The following GALC variants were observed in gnomAD, a reference collection of about 807,000 sequenced individuals.
GALC encodes galactosylceramidase, also known as galactocerebrosidase.
Under a neutral mutation model 91.8 loss-of-function variants are expected in GALC, and 77 were observed. That is an observed-to-expected ratio of 0.84 (90% CI 0.70 to 1.01). GALC has a LOEUF of 1.01. GALC is among the 50% of genes least tolerant of loss of function. The pLI is 0.00. For synonymous variants in GALC, 357 were observed against 306.7 expected (o/e 1.16, Z -1.71); for missense variants, 882 against 855.9 (o/e 1.03, Z -0.38).
At chr14:87,993,196 A>T, upstream of GALC, 1 of 1,562,788 alleles carries the variant, frequency 6.4e-7, no homozygotes, top group Non-Finnish European at 8.7e-7. Context: ...GCGCCCAGGG[A>T]GGCGGGTCCC....
chr14:87,936,252 C>T (rs79645689), intron 16 of GALC, among the ~76,000 whole-genome samples: 16,704 of 152,036 alleles, frequency 0.11, 1,146 homozygotes, highest in Non-Finnish European at 0.16. Flanking sequence ...ATCAGGGTAA[C>T]AGAGCTACTT....
intron 2 of GALC, 96 bp from the exon 3 acceptor site, chr14:87,988,303 C>A: frequency 4.4e-6 from 6 of 1,348,404 alleles, no homozygotes; most frequent in Non-Finnish European, 6.4e-6. Flanking sequence ...GACGCAAAAA[C>A]AAAAGCAAAA....
intron 10 of GALC, among the ~76,000 whole-genome samples, chr14:87,960,607 T>G (rs1439270425): frequency 6.6e-6 from 1 of 152,180 alleles, no homozygotes; most frequent in Admixed American, 6.5e-5. Context: ...TAAGACAGTG[T>G]GGTGCTCACG....
intron 8 of GALC, among the ~76,000 whole-genome samples, chr14:87,967,149 G>A (rs138948079): frequency 6.6e-6 from 1 of 152,224 alleles, no homozygotes; most frequent in Non-Finnish European, 1.5e-5. Context: ...TAGAAATATA[G>A]GTAAATGTGA....
intron 16 of GALC, among the ~76,000 whole-genome samples, chr14:87,935,568 C>G (rs368585): frequency 6.6e-6 from 1 of 151,842 alleles, no homozygotes; most frequent in Non-Finnish European, 1.5e-5. Context: ...CACCTTCCTC[C>G]GAATGTTGCC....
chr14:87,949,861 T>C lies in GALC; in HGVS notation c.1322A>G (p.Gln441Arg). The C allele has an allele frequency of 6.3e-7, 1 of 1,579,454 alleles. No individual in the cohort carries two copies. Among genetic ancestry groups the C allele is most frequent in the Non-Finnish European group, 8.7e-7 (1 of 1,149,420 alleles). ...TAAAATTACCCATAGAGAATCCAGCTGCTTAAAAAGAAATCTTTCGGATGT... is the reference window on the plus strand; with the variant it reads ...TAAAATTACCCATAGAGAATCCAGCCGCTTAAAAAGAAATCTTTCGGATGT... ...GKTSERFLFK[Q>R]LDSLWLLDSD... is the part of the protein sequence containing the mutation. The change falls in exon 12 of 17, where the codon CAG (glutamine) becomes CGG (arginine). Residue 441 changes from glutamine (Q) to arginine (R), a missense_variant. Physicochemically the swap from Gln to Arg is conservative, Grantham distance 43. Transcript: ENST00000261304.
At chr14:87,941,640 G>T in intron 14 of GALC, 82 bp from the exon 15 acceptor site, 1 of 976,138 alleles carries the variant, frequency 1.0e-6, no homozygotes, top group Non-Finnish European at 1.7e-6. Context: ...CACAGCACAT[G>T]CTTCCAAACT....
chr14:87,971,587 G>A (rs1285822554), intron 7 of GALC, among the ~76,000 whole-genome samples: 1 of 151,926 alleles, frequency 6.6e-6, no homozygotes, highest in Non-Finnish European at 1.5e-5. Flanking sequence ...AAAACATGGA[G>A]AACATAATTT....
rs1368715359 is a variant in GALC, at chr14:87,933,603, T to C, written c.*1129A>G. The stretch of plus-strand genomic sequence containing the variant: ...CTGTAGCTAAGCCTATGTTAGACTC[T>C]TACAAATTCCTAAATAGTAGAATTA... On this transcript the variant is annotated 3_prime_UTR_variant, in exon 17 of 17. Coordinates refer to ENST00000261304, the MANE Select transcript of GALC (RefSeq NM_000153.4). The C allele has an allele frequency of 5.6e-6, 1 of 177,260 alleles. No individual in the cohort carries two copies. Among genetic ancestry groups the C allele is most frequent in the East Asian group, 1.4e-4 (1 of 7,150 alleles). 11.0% of individuals were successfully genotyped at this position (177,260 alleles called of 1,614,324 possible).
chr14:87,968,163 T>C (rs1886132913), intron 8 of GALC, among the ~76,000 whole-genome samples, 172 bp downstream of exon 8: 1 of 152,102 alleles, frequency 6.6e-6, no homozygotes, highest in Non-Finnish European at 1.5e-5. Context: ...TATTCAAATA[T>C]AGAAAATTAG....
At chr14:87,946,057 T>C (rs1885059514) in intron 13 of GALC, among the ~76,000 whole-genome samples, 1 of 152,030 alleles carries the variant, frequency 6.6e-6, no homozygotes, top group South Asian at 2.1e-4. Context: ...GCTATTTAAC[T>C]GCCCTGCATC....
Position 87,950,640 on chromosome 14 carries a change from G to A in GALC, c.1251+19C>T, listed in dbSNP as rs1885263991. 4 of 1,438,014 alleles carry A rather than the reference G, an allele frequency of 2.8e-6. No homozygotes were observed. Among genetic ancestry groups the A allele is most frequent in the Non-Finnish European group, 3.9e-6 (4 of 1,022,968 alleles). 89.1% of individuals were successfully genotyped at this position (1,438,014 alleles called of 1,614,324 possible). On this transcript the variant is annotated intron_variant, in intron 11 of 16. Coordinates refer to ENST00000261304, the MANE Select transcript of GALC (RefSeq NM_000153.4). ...ATTCTTAAATCAAAACTAAAATAAA[G>A]TTAAACATATTTACTTACAAAAGAT...
In GALC at chr14:87,934,843, A is replaced by G. The variant is rs924881775; in HGVS notation, c.1947T>C (p.Ser649=). The change falls in exon 17 of 17, where the codon TCT becomes TCC. Residue 649 remains serine, a synonymous_variant. Transcript: ENST00000261304. ...HFTSGMLNDK[S]LWTDIPVNFP... ...AATTCACAGGGATGTCTGTCCACAG[A>G]GACTTGTCATTCAGCATGCCAGAGG... 45 of 1,612,712 alleles carry G rather than the reference A, an allele frequency of 2.8e-5. No individual in the cohort carries two copies. The highest frequency in any genetic ancestry group is 3.7e-5 in the Non-Finnish European group (44 of 1,179,126).
Position 87,941,488 on chromosome 14 carries a change from T to G in GALC, c.1741A>C (p.Arg581=). ...PDTGGVFIAG[R]VNKGGILIRS... The stretch of plus-strand genomic sequence containing the variant: ...ATCAAAATACCACCTTTATTTACTC[T>G]TCCTGCAATGAACACACCTCCTGTG... The change falls in exon 15 of 17, where the codon AGA becomes CGA. Residue 581 remains arginine (R), a synonymous_variant. Transcript: ENST00000261304. 6.2e-7 allele frequency: 1 copy of G among 1,603,498 alleles called. No individual in the cohort carries two copies. Among genetic ancestry groups the G allele is most frequent in the Non-Finnish European group, 8.5e-7 (1 of 1,170,670 alleles).
At chr14:87,973,518 A>G (rs1285756393) in intron 7 of GALC, among the ~76,000 whole-genome samples, 3 of 152,180 alleles carry the variant, frequency 2.0e-5, no homozygotes, top group Non-Finnish European at 4.4e-5. Flanking sequence ...GTAGCTGTCA[A>G]ATCAATATAG....
chr14:87,960,221 C>T (rs1885742898), intron 10 of GALC, among the ~76,000 whole-genome samples: 2 of 149,546 alleles, frequency 1.3e-5, no homozygotes, highest in Admixed American at 1.3e-4. Flanking sequence ...ATCACAGATG[C>T]AGAGAGTAGA....
At chr14:87,977,817 AACAG>A (rs1436271834) in intron 6 of GALC, among the ~76,000 whole-genome samples, 1 of 152,220 alleles carries the variant, frequency 6.6e-6, no homozygotes, top group Non-Finnish European at 1.5e-5. Flanking sequence ...TATACTTTTC[AACAG>A]ACAGTTTCTT....
At chr14:87,963,571 G>GA in intron 9 of GALC, 60 bp from the exon 10 acceptor site, 1 of 1,454,544 alleles carries the variant, frequency 6.9e-7, no homozygotes, top group Admixed American at 1.9e-5. Context: ...ATTTCTTTTG[G>GA]GAAAAAAAAA....
At chr14:87,948,380 A>T (rs1885161829) in intron 12 of GALC, among the ~76,000 whole-genome samples, 1 of 152,068 alleles carries the variant, frequency 6.6e-6, no homozygotes, top group South Asian at 2.1e-4. Flanking sequence ...GGCTTATGTC[A>T]CACTTACGAT....
Sources: gnomAD v4.1 joint callset for allele counts (sites outside exome capture counted in the v4.1 genomes callset) on GRCh38, gnomAD v4.1.1 for gene constraint, MANE v1.5 for transcripts, NCBI Gene and HGNC (gene_info 2026-07-23, HGNC 2026-07-21) for gene names.